The following PDE1C variants were observed in gnomAD, a reference collection of about 807,000 sequenced individuals.
PDE1C encodes the protein phosphodiesterase 1C.
In PDE1C, 62 loss-of-function variants were observed where a neutral mutation model predicts 93.1. The observed-to-expected ratio is 0.67, with a 90% CI of 0.54 to 0.82. The LOEUF (loss-of-function observed/expected upper bound fraction) is 0.82. Ranked by LOEUF, PDE1C falls within the 40% of genes least tolerant of loss-of-function variation. The pLI is 0.00. For synonymous variants in PDE1C, 325 were observed against 310.1 expected (o/e 1.05, Z -0.50); for missense variants, 742 against 884.6 (o/e 0.84, Z 2.04).
At chr7:31,932,412 T>G (rs1175742359) in intron 2 of PDE1C, among the ~76,000 whole-genome samples, 1 of 152,130 alleles carries the variant, frequency 6.6e-6, no homozygotes, top group Non-Finnish European at 1.5e-5. Flanking sequence ...GTGAAGGATA[T>G]GAGCAGACGT....
chr7:31,673,791 G>A, the PDE1C span, among the ~76,000 whole-genome samples: 1 of 151,466 alleles, frequency 6.6e-6, no homozygotes, highest in Non-Finnish European at 1.5e-5. Flanking sequence ...CCCTAGCAAG[G>A]GATTTTCCAG....
intron 1 of PDE1C, among the ~76,000 whole-genome samples, chr7:32,391,295 T>A (rs950926859): frequency 4.6e-5 from 7 of 152,076 alleles, no homozygotes; most frequent in Non-Finnish European, 8.8e-5. Context: ...GGTCAATTAA[T>A]CAAGAAGATA....
At chr7:31,717,885 GGACGTCA>G in the PDE1C span, among the ~76,000 whole-genome samples, 1 of 152,148 alleles carries the variant, frequency 6.6e-6, no homozygotes, top group Non-Finnish European at 1.5e-5. Flanking sequence ...GACCTGAAAT[GGACGTCA>G]GAGTCTTCAA....
chr7:31,726,444 C>T, the PDE1C span, among the ~76,000 whole-genome samples: 2 of 152,038 alleles, frequency 1.3e-5, no homozygotes, highest in Non-Finnish European at 2.9e-5. Flanking sequence ...AAACAGCAGC[C>T]TCTTATATTG....
intron 1 of PDE1C, among the ~76,000 whole-genome samples, chr7:32,235,687 A>G (rs1389000852): frequency 6.6e-6 from 1 of 152,074 alleles, no homozygotes; most frequent in Admixed American, 6.5e-5. Flanking sequence ...ATTGTGGTCC[A>G]GGGCTGGAAG....
intron 11 of PDE1C, among the ~76,000 whole-genome samples, chr7:31,834,997 G>A (rs533194466): frequency 1.2e-3 from 182 of 152,144 alleles, no homozygotes; most frequent in African/African-American, 3.9e-3. Flanking sequence ...TACTGTTCTC[G>A]TGGTAGCAAA....
At chr7:32,115,778 G>C (rs760332621) in intron 3 of PDE1C, among the ~76,000 whole-genome samples, 4 of 152,086 alleles carry the variant, frequency 2.6e-5, no homozygotes, top group African/African-American at 4.8e-5. Flanking sequence ...TGCCCTTTTA[G>C]CTTCTCTTCT....
At chr7:32,201,571 T>C (rs980420776) in intron 2 of PDE1C, among the ~76,000 whole-genome samples, 8 of 152,066 alleles carry the variant, frequency 5.3e-5, no homozygotes, top group African/African-American at 1.9e-4. Context: ...TGTGAGCAGA[T>C]CCATCAAAGC....
downstream of PDE1C, among the ~76,000 whole-genome samples, chr7:31,748,886 A>C (rs1042369884): frequency 6.6e-6 from 1 of 152,240 alleles, no homozygotes; most frequent in African/African-American, 2.4e-5. Context: ...TTAAATTGAA[A>C]ATGGATCAAA....
At chr7:31,676,097 C>T in the PDE1C span, among the ~76,000 whole-genome samples, 6 of 152,150 alleles carry the variant, frequency 3.9e-5, no homozygotes, top group Admixed American at 1.3e-4. Context: ...ACAGATGCTC[C>T]GCATGACGGT....
intron 1 of PDE1C, among the ~76,000 whole-genome samples, chr7:32,406,621 G>T (rs1785057308): frequency 6.6e-6 from 1 of 152,076 alleles, no homozygotes; most frequent in South Asian, 2.1e-4. Context: ...TTTCAGAAGG[G>T]TTTCCAATTA....
intron 3 of PDE1C, among the ~76,000 whole-genome samples, chr7:32,094,028 A>G (rs1392383549): frequency 6.6e-6 from 1 of 152,242 alleles, no homozygotes; most frequent in East Asian, 1.9e-4. Context: ...CTCCAGCAGG[A>G]ATGTGTGAGC....
intron 1 of PDE1C, among the ~76,000 whole-genome samples, chr7:32,417,453 C>G (rs544967344): frequency 6.6e-6 from 1 of 152,086 alleles, no homozygotes; most frequent in Non-Finnish European, 1.5e-5. Flanking sequence ...CCCTTAAACT[C>G]ACAAACAACT....
intron 2 of PDE1C, among the ~76,000 whole-genome samples, chr7:32,183,474 C>T (rs939320219): frequency 2.6e-5 from 4 of 152,168 alleles, no homozygotes; most frequent in Non-Finnish European, 5.9e-5. Context: ...TGGAACAGAA[C>T]AGAGCCCTCA....
intron 3 of PDE1C, among the ~76,000 whole-genome samples, chr7:32,098,027 G>A (rs1470470700): frequency 1.3e-5 from 2 of 148,598 alleles, no homozygotes; most frequent in Admixed American, 6.6e-5. Context: ...TCAGGAGATC[G>A]AGACCATCCT....
chr7:32,064,495 C>G (rs1795152872), intron 1 of PDE1C, among the ~76,000 whole-genome samples: 1 of 152,146 alleles, frequency 6.6e-6, no homozygotes, highest in South Asian at 2.1e-4. Context: ...CAGCGCTACC[C>G]CAAATCAGGC....
At position 32,412,960 on chromosome 7, in the gene PDE1C, T is replaced by C. The variant is rs369946592; in HGVS notation, c.310+14862A>G. On this transcript the variant is annotated intron_variant, in intron 1 of 1. Coordinates refer to the PDE1C transcript ENST00000672256. ...CCTAGGGATGGGAGTACAGCGGAGA[T>C]TGACTGGGAAGGGTCATGAGGAAAC... 9.2e-5 allele frequency among the ~76,000 whole-genome samples: 14 copies of C among 152,212 alleles called. No homozygotes were observed. In the South Asian group the frequency reaches 2.9e-3, roughly 32 times the overall value.
intron 1 of PDE1C, among the ~76,000 whole-genome samples, chr7:32,056,368 AAC>A (rs375602478): frequency 0.15 from 17,494 of 118,864 alleles, 1,037 homozygotes; most frequent in Middle Eastern, 0.22. Context: ...CTCTCACTGA[AAC>A]ACACACACAC....
At chr7:31,837,123 A>G (rs1171923536) in intron 11 of PDE1C, 57 bp downstream of exon 11, 122 of 1,559,898 alleles carry the variant, frequency 7.8e-5, no homozygotes, top group Non-Finnish European at 1.0e-4. Flanking sequence ...GCTGAGATAT[A>G]AAATTCATAA....
Sources: allele counts gnomAD v4.1 joint callset (sites outside exome capture counted in the v4.1 genomes callset), GRCh38; gene constraint gnomAD v4.1.1; transcripts MANE v1.5; gene names NCBI Gene and HGNC (gene_info 2026-07-23, HGNC 2026-07-21).